FRMD5: variants seen among roughly 807,000 people sequenced by gnomAD.
FRMD5 encodes FERM domain containing 5.
A neutral mutation model predicts 69.0 loss-of-function variants in FRMD5; 20 were observed. The observed-to-expected ratio is 0.29, with a 90% confidence interval of 0.20 to 0.42. FRMD5 has a LOEUF of 0.42. FRMD5 is among the 10% of genes least tolerant of loss of function. FRMD5 has a pLI of 1.00. For synonymous variants in FRMD5, 271 were observed against 260.1 expected (o/e 1.04, Z -0.40); for missense variants, 595 against 708.6 (o/e 0.84, Z 1.82).
intron 1 of FRMD5, among the ~76,000 whole-genome samples, chr15:44,192,175 G>C (rs2078208143): frequency 6.6e-6 from 1 of 151,940 alleles, no homozygotes; most frequent in Non-Finnish European, 1.5e-5. Context: ...TCATTGAAAA[G>C]ATATAAGGCA....
chr15:43,979,485 C>T (rs2140615333), intron 1 of FRMD5, among the ~76,000 whole-genome samples: 1 of 152,290 alleles, frequency 6.6e-6, no homozygotes, highest in East Asian at 1.9e-4. Flanking sequence ...GGGACTGGGA[C>T]TTGAACTCGG....
At chr15:43,980,143 G>T (rs186521054) in intron 1 of FRMD5, among the ~76,000 whole-genome samples, 2 of 152,182 alleles carry the variant, frequency 1.3e-5, no homozygotes, top group East Asian at 3.8e-4. Context: ...GTAGTATTAT[G>T]TTGCTTTTAA....
At chr15:43,935,617 T>C (rs1050448621) in intron 1 of FRMD5, among the ~76,000 whole-genome samples, 2 of 152,208 alleles carry the variant, frequency 1.3e-5, no homozygotes, top group Non-Finnish European at 2.9e-5. Context: ...TGCAGTGTGA[T>C]AGAGAGAGCA....
chr15:44,080,518 C>G (rs906846714), intron 1 of FRMD5, among the ~76,000 whole-genome samples: 2 of 151,926 alleles, frequency 1.3e-5, no homozygotes, highest in Admixed American at 6.6e-5. Flanking sequence ...TGGGAGAGGT[C>G]CAAAAGGCAG....
chr15:43,999,969 T>TGCTATGC (rs59520778), intron 1 of FRMD5, among the ~76,000 whole-genome samples: 189 of 14,594 alleles, frequency 0.013, no homozygotes, highest in Non-Finnish European at 0.039. Context: ...TATATATATA[T>TGCTATGC]ATATATATAT....
At chr15:43,882,075 G>A (rs1025649811) in intron 13 of FRMD5, among the ~76,000 whole-genome samples, 3 of 152,138 alleles carry the variant, frequency 2.0e-5, no homozygotes, top group Admixed American at 6.5e-5. Flanking sequence ...CACCATCTTC[G>A]GGAATGAAAG....
At chr15:44,157,048 C>G (rs2140488786) in intron 1 of FRMD5, among the ~76,000 whole-genome samples, 1 of 152,258 alleles carries the variant, frequency 6.6e-6, no homozygotes, top group South Asian at 2.1e-4. Context: ...CATCCTTTCT[C>G]TCTGTCATTA....
intron 1 of FRMD5, among the ~76,000 whole-genome samples, chr15:44,192,440 AAT>A (rs1383170856): frequency 6.6e-6 from 1 of 152,232 alleles, no homozygotes; most frequent in Non-Finnish European, 1.5e-5. Context: ...CTTTAAGGAA[AAT>A]GAGTTCAAAT....
chr15:44,139,523 G>C (rs2077235702), intron 1 of FRMD5, among the ~76,000 whole-genome samples: 1 of 151,712 alleles, frequency 6.6e-6, no homozygotes, highest in Non-Finnish European at 1.5e-5. Context: ...TATCAGGAAG[G>C]TGCAAAAGAA....
At chr15:44,078,622 A>C (rs1305360253) in intron 1 of FRMD5, among the ~76,000 whole-genome samples, 1 of 151,950 alleles carries the variant, frequency 6.6e-6, no homozygotes. Context: ...GAAATAAAAC[A>C]TTATGCTATG....
intron 6 of FRMD5, among the ~76,000 whole-genome samples, chr15:43,904,694 A>G (rs940034138): frequency 2.1e-5 from 3 of 144,470 alleles, no homozygotes; most frequent in Non-Finnish European, 4.4e-5. Flanking sequence ...TGCATTCTAT[A>G]TCCTTTTTCC....
At chr15:43,883,877 G>A in intron 12 of FRMD5, 68 bp from the exon 13 acceptor site, 3 of 1,116,230 alleles carry the variant, frequency 2.7e-6, no homozygotes, top group South Asian at 1.2e-5. Context: ...CTTAAGAATT[G>A]AGTACTGGCT....
rs143579272 is a variant in FRMD5, at chr15:44,026,145, T to C, written c.103-101836A>G. On this transcript the variant is annotated intron_variant, in intron 1 of 13. Coordinates refer to ENST00000417257, the MANE Select transcript of FRMD5 (RefSeq NM_032892.5). The stretch of plus-strand genomic sequence containing the variant: ...GGCATGTACCACCAAGCCTGGCTCA[T>C]TGTTTTTGTATTTTTGGTAGAGACA... 9.6e-3 allele frequency among the ~76,000 whole-genome samples: 1,464 copies of C among 152,244 alleles called. 9 individuals carry two copies. The highest frequency in any genetic ancestry group is 0.024 in the Middle Eastern group (7 of 294).
chr15:44,087,058 C>T (rs1426196008), intron 1 of FRMD5, among the ~76,000 whole-genome samples: 1 of 152,112 alleles, frequency 6.6e-6, no homozygotes, highest in Non-Finnish European at 1.5e-5. Flanking sequence ...TTCATTCTAT[C>T]ACCCAGGCTA....
At chr15:43,947,487 T>C (rs1251649212) in intron 1 of FRMD5, among the ~76,000 whole-genome samples, 2 of 152,222 alleles carry the variant, frequency 1.3e-5, no homozygotes, top group African/African-American at 4.8e-5. Flanking sequence ...AGAAAATCCA[T>C]TTGAAATTTT....
At chr15:44,145,864 T>C (rs2077347556) in intron 1 of FRMD5, among the ~76,000 whole-genome samples, 1 of 152,168 alleles carries the variant, frequency 6.6e-6, no homozygotes, top group African/African-American at 2.4e-5. Flanking sequence ...ATTTTAATCA[T>C]CCTTATTAGA....
intron 6 of FRMD5, among the ~76,000 whole-genome samples, chr15:43,904,900 AG>A (rs2089133241): frequency 6.6e-6 from 1 of 152,116 alleles, no homozygotes; most frequent in Admixed American, 6.5e-5. Context: ...CCAAACTTGA[AG>A]CCACGTCTCC....
intron 1 of FRMD5, among the ~76,000 whole-genome samples, chr15:43,962,701 A>C (rs1595564549): frequency 6.6e-6 from 1 of 152,340 alleles, no homozygotes; most frequent in South Asian, 2.1e-4. Context: ...CTGGTATCAA[A>C]ACAGAGATAT....
chr15:44,010,573 C>T (rs1171756765), intron 1 of FRMD5, among the ~76,000 whole-genome samples: 2 of 151,924 alleles, frequency 1.3e-5, no homozygotes, highest in Non-Finnish European at 2.9e-5. Flanking sequence ...TTAGTAGAGA[C>T]AGGGTTTCAC....
Sources: allele counts gnomAD v4.1 joint callset (sites outside exome capture counted in the v4.1 genomes callset), GRCh38; gene constraint gnomAD v4.1.1; transcripts MANE v1.5; gene names NCBI Gene and HGNC (gene_info 2026-07-23, HGNC 2026-07-21).